The following LRMDA variants were observed in gnomAD, a reference collection of about 807,000 sequenced individuals.
The protein encoded by LRMDA is leucine-rich melanocyte differentiation-associated protein.
In LRMDA, 18 loss-of-function variants were observed where a neutral mutation model predicts 29.8. The observed-to-expected ratio is 0.60, with a 90% CI of 0.42 to 0.90. The LOEUF (loss-of-function observed/expected upper bound fraction) is 0.90. Among genes scored for constraint, LRMDA ranks in the 40% least tolerant of loss-of-function variants. LRMDA has a pLI of 0.00. For synonymous variants in LRMDA, 125 were observed against 109.4 expected (o/e 1.14, Z -0.89); for missense variants, 273 against 273.9 (o/e 1.00, Z 0.02).
At chr10:76,163,976 C>T (rs561805114) in intron 5 of LRMDA, among the ~76,000 whole-genome samples, 1 of 152,270 alleles carries the variant, frequency 6.6e-6, no homozygotes, top group South Asian at 2.1e-4. Context: ...GACAGGGTGA[C>T]AATTATTCCA....
intron 2 of LRMDA, among the ~76,000 whole-genome samples, chr10:75,738,381 C>A (rs1244321237): frequency 6.6e-6 from 1 of 152,126 alleles, no homozygotes; most frequent in Non-Finnish European, 1.5e-5. Flanking sequence ...CTCTCCTTTC[C>A]CTGCCTCACT....
At chr10:76,278,358 A>G (rs1307271113) in intron 5 of LRMDA, among the ~76,000 whole-genome samples, 2 of 152,230 alleles carry the variant, frequency 1.3e-5, no homozygotes, top group Non-Finnish European at 2.9e-5. Context: ...TTCTTTAAAA[A>G]TATAATGAGA....
intron 2 of LRMDA, among the ~76,000 whole-genome samples, chr10:75,910,713 T>C (rs934737760): frequency 7.9e-5 from 12 of 152,192 alleles, no homozygotes; most frequent in African/African-American, 2.9e-4. Context: ...TGTGTGTGAT[T>C]CCTGTGCTCT....
chr10:76,130,039 C>A (rs1472301580), intron 5 of LRMDA, among the ~76,000 whole-genome samples: 1 of 151,654 alleles, frequency 6.6e-6, no homozygotes, highest in African/African-American at 2.4e-5. Flanking sequence ...TGAGGAGTAC[C>A]TGGCATGTAG....
chr10:75,943,978 A>C (rs1045190402), intron 2 of LRMDA, among the ~76,000 whole-genome samples: 2 of 152,196 alleles, frequency 1.3e-5, no homozygotes, highest in Non-Finnish European at 2.9e-5. Flanking sequence ...TGAGCTTTAC[A>C]TGTTACCCCA....
chr10:75,902,417 G>A (rs1017222234), intron 2 of LRMDA, among the ~76,000 whole-genome samples: 1 of 152,130 alleles, frequency 6.6e-6, no homozygotes, highest in African/African-American at 2.4e-5. Flanking sequence ...GCCAGAGTGG[G>A]CCTTCTAAAG....
intron 6 of LRMDA, among the ~76,000 whole-genome samples, chr10:76,442,137 A>C (rs1410900357): frequency 6.6e-6 from 1 of 152,182 alleles, no homozygotes; most frequent in African/African-American, 2.4e-5. Flanking sequence ...CCCTGAAAAT[A>C]TGTCTAGTTT....
intron 5 of LRMDA, among the ~76,000 whole-genome samples, chr10:76,319,534 T>C (rs903840518): frequency 3.3e-5 from 5 of 152,182 alleles, no homozygotes; most frequent in Admixed American, 6.5e-5. Context: ...TATGTTTTTT[T>C]TTATGACCCA....
intron 6 of LRMDA, among the ~76,000 whole-genome samples, chr10:76,452,142 T>G (rs1842413645): frequency 6.6e-6 from 1 of 152,170 alleles, no homozygotes. Flanking sequence ...CATCTTGACA[T>G]GCTTTAAGTC....
intron 2 of LRMDA, among the ~76,000 whole-genome samples, chr10:75,545,134 G>A (rs1220942992): frequency 6.6e-6 from 1 of 152,120 alleles, no homozygotes; most frequent in African/African-American, 2.4e-5. Context: ...TATGTAGTCC[G>A]GGGAAGCCAG....
intron 2 of LRMDA, among the ~76,000 whole-genome samples, chr10:75,938,700 G>T (rs1846337969): frequency 6.6e-6 from 1 of 152,166 alleles, no homozygotes; most frequent in Non-Finnish European, 1.5e-5. Flanking sequence ...ATTCCTTGGA[G>T]CACACTTTAA....
At chr10:75,583,454 G>C (rs1355214325) in intron 2 of LRMDA, among the ~76,000 whole-genome samples, 1 of 152,126 alleles carries the variant, frequency 6.6e-6, no homozygotes, top group African/African-American at 2.4e-5. Context: ...AGAAGGGGTA[G>C]CTGCTACATA....
chr10:76,512,974 G>T (rs1229316095), intron 6 of LRMDA, among the ~76,000 whole-genome samples: 1 of 152,132 alleles, frequency 6.6e-6, no homozygotes, highest in Non-Finnish European at 1.5e-5. Flanking sequence ...AGGTGCTAAG[G>T]CCATGGAGAA....
intron 6 of LRMDA, among the ~76,000 whole-genome samples, chr10:76,459,894 A>T (rs1194594192): frequency 6.6e-6 from 1 of 152,188 alleles, no homozygotes; most frequent in Admixed American, 6.5e-5. Flanking sequence ...TACACTCAGA[A>T]CAATGAGAAA....
intron 2 of LRMDA, among the ~76,000 whole-genome samples, chr10:75,747,568 A>G (rs1180380170): frequency 2.0e-5 from 3 of 152,208 alleles, no homozygotes; most frequent in Non-Finnish European, 2.9e-5. Context: ...TGAGACCACT[A>G]TCTTTGGTCT....
chr10:76,112,858 C>T lies in LRMDA; in HGVS notation c.516+54075C>T, dbSNP rs188128578. Among the ~76,000 whole-genome samples the T allele has an allele frequency of 6.0e-4, 91 of 152,228 alleles. 1 individual carries two copies. In the East Asian group the frequency reaches 0.016, roughly 27 times the overall value. On this transcript the variant is annotated intron_variant, in intron 5 of 6. Transcript: ENST00000611255. ...CTCTCTCTTTTTTCTTTTTGCATTG[C>T]GTTTGTCTGTATCAGCAGAGGTATC...
intron 6 of LRMDA, among the ~76,000 whole-genome samples, chr10:76,536,995 C>T (rs1226517815): frequency 6.6e-6 from 1 of 152,150 alleles, no homozygotes; most frequent in African/African-American, 2.4e-5. Flanking sequence ...TCTTTCTTCC[C>T]TTGCATCTAT....
chr10:75,659,561 A>C (rs1366543567), intron 2 of LRMDA, among the ~76,000 whole-genome samples: 2 of 152,242 alleles, frequency 1.3e-5, no homozygotes, highest in African/African-American at 4.8e-5. Context: ...AGACTGTATT[A>C]TCTCACTTAT....
intron 2 of LRMDA, among the ~76,000 whole-genome samples, chr10:75,900,278 G>T (rs1845648413): frequency 6.6e-6 from 1 of 152,156 alleles, no homozygotes; most frequent in South Asian, 2.1e-4. Context: ...TTGTTTTAAG[G>T]GATTTCTAAC....
Sources: gnomAD v4.1 joint callset for allele counts (sites outside exome capture counted in the v4.1 genomes callset) on GRCh38, gnomAD v4.1.1 for gene constraint, MANE v1.5 for transcripts, NCBI Gene and HGNC (gene_info 2026-07-23, HGNC 2026-07-21) for gene names.